IGSF23: variants seen among roughly 807,000 people sequenced by gnomAD.
IGSF23 encodes immunoglobulin superfamily, member 23.
Under a neutral mutation model 17.8 loss-of-function variants are expected in IGSF23, and 14 were observed. The observed-to-expected ratio is 0.79, with a 90% CI of 0.52 to 1.23. The LOEUF (loss-of-function observed/expected upper bound fraction) is 1.23, where lower values mean the gene tolerates loss of function less well. Among genes scored for constraint, IGSF23 ranks in the 50% most tolerant of loss-of-function variants. IGSF23 has a pLI of 0.00. For synonymous variants in IGSF23, 85 were observed against 92.5 expected (o/e 0.92, Z 0.46); for missense variants, 214 against 241.7 (o/e 0.89, Z 0.76).
At chr19:44,620,706 G>A (rs759920046) in intron 1 of IGSF23, 6 of 152,038 alleles carry the variant, frequency 3.9e-5, no homozygotes, top group East Asian at 1.9e-4. Flanking sequence ...CCACACCTTC[G>A]CCTATGCCAT....
In IGSF23 at chr19:44,623,808, A is replaced by G. The variant is rs565084949; in HGVS notation, c.227A>G (p.Asp76Gly). Residue 76 changes from aspartate to glycine, a missense_variant, in exon 2 of 5, where the codon GAC becomes GGC. Physicochemically the swap from Asp to Gly is moderately conservative, Grantham distance 94. Transcript: ENST00000402988. Reference protein sequence around the residue: ...SVILQWVVTMDPEPVLSWTFS... With the variant: ...SVILQWVVTMGPEPVLSWTFS... ...ATCCTGCAGTGGGTGGTGACAATGG[A>G]CCCTGAGCCTGTGCTGAGCTGGACC... 22 of 1,550,758 alleles carry G rather than the reference A, an allele frequency of 1.4e-5. No homozygotes were observed. The highest frequency in any genetic ancestry group is 3.6e-5 in the South Asian group (3 of 84,068).
chr19:44,618,012 G>T (rs994909957), intron 1 of IGSF23: 3 of 463,482 alleles, frequency 6.5e-6, no homozygotes, highest in African/African-American at 4.0e-5. Context: ...TATAATATAC[G>T]TGCGTGCTTC....
intron 1 of IGSF23, among the ~76,000 whole-genome samples, chr19:44,615,018 G>A (rs777256430): frequency 1.4e-4 from 21 of 152,182 alleles, no homozygotes; most frequent in African/African-American, 4.1e-4. Context: ...AGTTGGGCGC[G>A]GTGACTCACA....
At chr19:44,617,960 T>C (rs1435290776) in intron 1 of IGSF23, 1 of 382,220 alleles carries the variant, frequency 2.6e-6, no homozygotes, top group Non-Finnish European at 5.3e-6. Flanking sequence ...GGCAGCAGAG[T>C]GGAGCAGAGA....
intron 3 of IGSF23, among the ~76,000 whole-genome samples, chr19:44,630,557 T>C (rs1030919785): frequency 6.6e-6 from 1 of 152,218 alleles, no homozygotes; most frequent in African/African-American, 2.4e-5. Flanking sequence ...CCTGCCCTCA[T>C]GAGCAGGCAA....
intron 2 of IGSF23, among the ~76,000 whole-genome samples, chr19:44,625,964 G>T (rs1263456055): frequency 6.6e-6 from 1 of 152,092 alleles, no homozygotes; most frequent in Non-Finnish European, 1.5e-5. Context: ...TGCCATGATT[G>T]TGAGGCCTCC....
intron 3 of IGSF23, among the ~76,000 whole-genome samples, chr19:44,628,727 T>C (rs1347560553): frequency 6.6e-6 from 1 of 152,134 alleles, no homozygotes; most frequent in Admixed American, 6.5e-5. Context: ...CACTCCACAC[T>C]GGACACAGAG....
Position 44,636,773 on chromosome 19 carries a change from A to C in IGSF23, c.*386A>C, listed in dbSNP as rs534609367. 8 of 152,258 alleles carry C rather than the reference A, an allele frequency of 5.3e-5. 1 individual carries two copies. Among genetic ancestry groups the C allele is most frequent in the Admixed American group, 1.3e-4 (2 of 15,292 alleles). 9.4% of individuals were successfully genotyped at this position (152,258 alleles called of 1,614,324 possible). A position where few individuals can be genotyped will look rare whatever the true frequency, so the allele number is the denominator to read the frequency against. On this transcript the variant is annotated 3_prime_UTR_variant, in exon 5 of 5. Coordinates refer to ENST00000402988, the MANE Select transcript of IGSF23 (RefSeq NM_001205280.2). ...AAAAAGAACCAAAAAATAAATTAAAACACCACCACTTCTGAATGGTTTCTC... is the reference window on the plus strand; with the variant it reads ...AAAAAGAACCAAAAAATAAATTAAACCACCACCACTTCTGAATGGTTTCTC...
In IGSF23 at chr19:44,635,399, A is replaced by G. The variant is rs1441112420; in HGVS notation, c.546-2A>G. 3 of 1,544,644 alleles carry G rather than the reference A, an allele frequency of 1.9e-6. No individual in the cohort carries two copies. The East Asian group carries it at 7.3e-5, about 38-fold the overall frequency. ...CTGTCTCTCTCTCTCTCTCCACTGC[A>G]GGACTGACAGGCAGAGAATAGGAAT... On this transcript the variant is annotated splice_acceptor_variant, in intron 3 of 4. Coordinates refer to ENST00000402988, the MANE Select transcript of IGSF23 (RefSeq NM_001205280.2). LOFTEE classifies it high-confidence loss of function.
chr19:44,624,975 G>C (rs1361650242), intron 2 of IGSF23, among the ~76,000 whole-genome samples: 1 of 151,940 alleles, frequency 6.6e-6, no homozygotes, highest in Non-Finnish European at 1.5e-5. Context: ...GCTGCAATGG[G>C]AGGATCACTT....
chr19:44,634,397 T>C (rs930809063), intron 3 of IGSF23, among the ~76,000 whole-genome samples: 1 of 152,260 alleles, frequency 6.6e-6, no homozygotes, highest in African/African-American at 2.4e-5. Flanking sequence ...TTAGTATGAA[T>C]AGCTTGTTTA....
intron 1 of IGSF23, chr19:44,620,826 T>G (rs1373896213): frequency 1.3e-5 from 2 of 152,246 alleles, no homozygotes; most frequent in African/African-American, 4.8e-5. Flanking sequence ...GCATCTGTTA[T>G]GCCCCTGAGT....
intron 1 of IGSF23, among the ~76,000 whole-genome samples, chr19:44,615,381 T>G (rs1233855125): frequency 6.6e-6 from 1 of 151,998 alleles, no homozygotes; most frequent in African/African-American, 2.4e-5. Context: ...CCCAGCACTT[T>G]GGGAGGCCAA....
chr19:44,629,624 T>C (rs528828074), intron 3 of IGSF23, among the ~76,000 whole-genome samples: 3 of 147,640 alleles, frequency 2.0e-5, no homozygotes, highest in African/African-American at 5.0e-5. Context: ...GCACCTATTA[T>C]ATGCTTTCTT....
intron 3 of IGSF23, chr19:44,632,401 T>G (rs1442832657): frequency 6.2e-6 from 1 of 161,526 alleles, no homozygotes; most frequent in African/African-American, 2.4e-5. Flanking sequence ...TCCTCAGGTT[T>G]TCTTCCATCA....
At chr19:44,630,360 G>A (rs1257903804) in intron 3 of IGSF23, among the ~76,000 whole-genome samples, 4 of 152,216 alleles carry the variant, frequency 2.6e-5, no homozygotes, top group Non-Finnish European at 5.9e-5. Context: ...AACTCTCAGG[G>A]CTAGGTGCTA....
Position 44,627,489 on chromosome 19 carries a change from CTG to C in IGSF23, c.462_463del (p.Ala155HisfsTer29). 1.3e-6 allele frequency: 2 copies of C among 1,550,558 alleles called. No homozygotes were observed. ...CCCACTCTGTCCCTGTCAGGAGGCT[CTG>C]CCATCGGGCTCCTTGCGGCTGGGAT... is the stretch of plus-strand genomic sequence containing the variant. On this transcript the variant is annotated frameshift_variant, in exon 3 of 5. Coordinates refer to ENST00000402988, the MANE Select transcript of IGSF23 (RefSeq NM_001205280.2). LOFTEE classifies it high-confidence loss of function.
chr19:44,626,427 G>C (rs1007059044), intron 2 of IGSF23, among the ~76,000 whole-genome samples: 7 of 152,186 alleles, frequency 4.6e-5, no homozygotes, highest in Admixed American at 4.6e-4. Flanking sequence ...ACACAGCTGG[G>C]AACACTCTGG....
At chr19:44,629,338 G>C (rs1042443529) in intron 3 of IGSF23, among the ~76,000 whole-genome samples, 9 of 152,240 alleles carry the variant, frequency 5.9e-5, no homozygotes, top group South Asian at 4.1e-4. Flanking sequence ...GATCACTTGA[G>C]CCTAGGAGTT....
Sources: gnomAD v4.1 joint callset for allele counts (sites outside exome capture counted in the v4.1 genomes callset) on GRCh38, gnomAD v4.1.1 for gene constraint, MANE v1.5 for transcripts, NCBI Gene and HGNC (gene_info 2026-07-23, HGNC 2026-07-21) for gene names.